The following CNOT1 variants were observed in gnomAD, a reference collection of about 807,000 sequenced individuals.
CNOT1 encodes CCR4-associated factor 1.
CNOT1 carries 15 observed loss-of-function variants against 273.8 expected under a neutral mutation model. That is an observed-to-expected ratio of 0.05 (90% confidence interval 0.04 to 0.08). The LOEUF (loss-of-function observed/expected upper bound fraction) is 0.08. CNOT1 is among the 10% of genes least tolerant of loss of function. The probability of loss-of-function intolerance (pLI) is 1.00; values close to 1 mark genes in which losing one functional copy is unlikely to be tolerated. For missense variants in CNOT1, 1,644 were observed against 2,912.2 expected, an observed-to-expected ratio of 0.56 and a Z score of 10.02; for synonymous variants, 1,022 against 1,005.5, an observed-to-expected ratio of 1.02 and a Z score of -0.31.
chr16:58,550,039 T>C (rs1471151747), intron 24 of CNOT1, 141 bp from the exon 25 acceptor site: 21 of 1,306,192 alleles, frequency 1.6e-5, no homozygotes, highest in Admixed American at 3.0e-5. Flanking sequence ...TCACACCAGA[T>C]AGATGCTATG....
Position 58,553,843 on chromosome 16 carries a change from T to C in CNOT1, c.2909A>G (p.Gln970Arg). 1 of 1,610,482 alleles carries C rather than the reference T, an allele frequency of 6.2e-7. No homozygotes were observed. The highest frequency in any genetic ancestry group is 8.5e-7 in the Non-Finnish European group (1 of 1,179,128). Residue 970 changes from glutamine to arginine, a missense_variant, in exon 22 of 49, where the codon CAG becomes CGG. Physicochemically the swap from Gln to Arg is conservative, Grantham distance 43. Around this residue, in one of 13 missense-constraint regions of CNOT1, gnomAD observed 74 missense variants for 184.6 expected, o/e 0.40. Coordinates refer to ENST00000317147, the MANE Select transcript of CNOT1 (RefSeq NM_016284.5). ...GATAGAAGCCAAATGCTGACAATAC[T>C]GGGGATAGTCCTTCAATCTGCCAAC... ...RFKNRLKDYP[Q>R]YCQHLASISH...
At chr16:58,528,434 T>A in intron 44 of CNOT1, 41 bp downstream of exon 44, 1 of 1,435,192 alleles carries the variant, frequency 7.0e-7, no homozygotes, top group Non-Finnish European at 9.8e-7. Flanking sequence ...AGGACTGAAA[T>A]ATTAAGACAT....
In CNOT1 at chr16:58,626,799, A is replaced by G. The variant is rs867041651; in HGVS notation, c.-175+2929T>C. On this transcript the variant is annotated intron_variant, in intron 1 of 48. Coordinates refer to ENST00000317147, the MANE Select transcript of CNOT1 (RefSeq NM_016284.5). The stretch of plus-strand genomic sequence containing the variant: ...AGACTACTATTTTTGTTAATGTGGG[A>G]CAAAATACTCATAACAAATATTTTG... Among the ~76,000 whole-genome samples the G allele has an allele frequency of 2.0e-5, 3 of 151,496 alleles. No individual in the cohort carries two copies. The South Asian group carries it at 6.2e-4, about 32-fold the overall frequency.
intron 27 of CNOT1, among the ~76,000 whole-genome samples, 154 bp from the exon 28 acceptor site, chr16:58,546,903 TAGTTA>T (rs1432566058): frequency 6.6e-6 from 1 of 152,124 alleles, no homozygotes; most frequent in Non-Finnish European, 1.5e-5. Flanking sequence ...CAGTTAAACA[TAGTTA>T]AACACTTATA....
intron 43 of CNOT1, among the ~76,000 whole-genome samples, chr16:58,529,233 G>A (rs1031096449): frequency 1.3e-5 from 2 of 152,030 alleles, no homozygotes; most frequent in East Asian, 3.9e-4. Flanking sequence ...ACTGAGACAC[G>A]CAAAGATTTC....
At chr16:58,561,298 C>T (rs1277424193) in intron 16 of CNOT1, among the ~76,000 whole-genome samples, 1 of 152,190 alleles carries the variant, frequency 6.6e-6, no homozygotes, top group African/African-American at 2.4e-5. Context: ...AACTAATTTG[C>T]ACCTCTGAAA....
At position 58,528,466 on chromosome 16, in the gene CNOT1, G is replaced by A; in HGVS notation, c.6453+9C>T. 5 of 1,604,674 alleles carry A rather than the reference G, an allele frequency of 3.1e-6. No homozygotes were observed. The highest frequency in any genetic ancestry group is 4.3e-6 in the Non-Finnish European group (5 of 1,172,718). On this transcript the variant is annotated intron_variant, in intron 44 of 48. Coordinates refer to ENST00000317147, the MANE Select transcript of CNOT1 (RefSeq NM_016284.5). ...ACATAAGTTTTCCTTTAACTAGTTGGAACCTTACCTTTAGATTAGGAGTGA... is the reference window on the plus strand; with the variant it reads ...ACATAAGTTTTCCTTTAACTAGTTGAAACCTTACCTTTAGATTAGGAGTGA...
At chr16:58,566,703 G>C (rs2041055172) in intron 16 of CNOT1, among the ~76,000 whole-genome samples, 1 of 152,158 alleles carries the variant, frequency 6.6e-6, no homozygotes, top group African/African-American at 2.4e-5. Context: ...TTTCACTCTT[G>C]TTGCCCAGAC....
At chr16:58,605,863 C>T (rs2042658022) in intron 1 of CNOT1, among the ~76,000 whole-genome samples, 1 of 151,998 alleles carries the variant, frequency 6.6e-6, no homozygotes, top group African/African-American at 2.4e-5. Flanking sequence ...TGCCATGTTT[C>T]CCAGGCTGGT....
intron 1 of CNOT1, among the ~76,000 whole-genome samples, chr16:58,624,160 T>C (rs549736249): frequency 6.6e-6 from 1 of 152,314 alleles, no homozygotes; most frequent in South Asian, 2.1e-4. Context: ...GGACTGTCTA[T>C]GGGACTTGAG....
intron 18 of CNOT1, 66 bp from the exon 19 acceptor site, chr16:58,557,059 A>C: frequency 7.3e-5 from 113 of 1,544,364 alleles, no homozygotes; most frequent in Non-Finnish European, 8.7e-5. Flanking sequence ...TTCACATCTC[A>C]GATATATTAA....
chr16:58,537,771 C>T (rs1410785049), intron 38 of CNOT1, 120 bp downstream of exon 38: 2 of 1,320,036 alleles, frequency 1.5e-6, no homozygotes, highest in East Asian at 2.5e-5. Flanking sequence ...CAAAGCTACC[C>T]ACCCATATGT....
chr16:58,565,124 TTTC>T (rs1421335272), intron 16 of CNOT1, among the ~76,000 whole-genome samples: 2 of 152,064 alleles, frequency 1.3e-5, no homozygotes, highest in Admixed American at 6.6e-5. Context: ...CACTACATGT[TTTC>T]TTCTTTTTTT....
At chr16:58,597,389 T>A (rs933595100) in intron 2 of CNOT1, among the ~76,000 whole-genome samples, 5 of 151,652 alleles carry the variant, frequency 3.3e-5, no homozygotes, top group African/African-American at 1.2e-4. Flanking sequence ...ATAGGAAGAT[T>A]GCTTGAACCC....
At chr16:58,559,865 T>G (rs778350585) in intron 17 of CNOT1, 1 of 551,028 alleles carries the variant, frequency 1.8e-6, no homozygotes, top group South Asian at 1.4e-5. Context: ...CAAGTCGTTA[T>G]GCTCTAGCAC....
chr16:58,561,364 T>C (rs1407441557), intron 16 of CNOT1, among the ~76,000 whole-genome samples: 1 of 152,182 alleles, frequency 6.6e-6, no homozygotes, highest in African/African-American at 2.4e-5. Context: ...AAACATTCCA[T>C]AGCTTCAACC....
chr16:58,538,763 G>T lies in CNOT1; in HGVS notation c.5135+9C>A. 6.2e-7 allele frequency: 1 copy of T among 1,611,458 alleles called. No individual in the cohort carries two copies. The highest frequency in any genetic ancestry group is 8.5e-7 in the Non-Finnish European group (1 of 1,179,882). ...CAATACTCACTACTTTTCGAAGATG[G>T]CTACTGACCTTGTGATCTGTTTGTT... On this transcript the variant is annotated intron_variant, in intron 36 of 48. Coordinates refer to ENST00000317147, the MANE Select transcript of CNOT1 (RefSeq NM_016284.5).
At chr16:58,580,176 C>T (rs893957992) in intron 12 of CNOT1, among the ~76,000 whole-genome samples, 2 of 151,914 alleles carry the variant, frequency 1.3e-5, no homozygotes, top group African/African-American at 4.8e-5. Context: ...TGCCACTGCA[C>T]TCCTGAGATT....
intron 8 of CNOT1, among the ~76,000 whole-genome samples, chr16:58,584,584 G>A (rs2041772884): frequency 6.6e-6 from 1 of 151,928 alleles, no homozygotes; most frequent in Admixed American, 6.6e-5. Flanking sequence ...CGCCCACCTC[G>A]GCCTCCCAAA....
Sources: gnomAD v4.1 joint callset for allele counts (sites outside exome capture counted in the v4.1 genomes callset) on GRCh38, gnomAD v4.1.1 for gene constraint, gnomAD v4.1.1 regional missense constraint, MANE v1.5 for transcripts, NCBI Gene and HGNC (gene_info 2026-07-23, HGNC 2026-07-21) for gene names.